The following DSCAM variants were observed in gnomAD, a reference collection of about 807,000 sequenced individuals.
DSCAM encodes cell adhesion molecule DSCAM.
A neutral mutation model predicts 217.7 loss-of-function variants in DSCAM; 47 were observed. The ratio of observed to expected loss-of-function variants is 0.22; its 90% confidence interval spans 0.17 to 0.28. The LOEUF is 0.28. Among genes scored for constraint, DSCAM ranks in the 10% least tolerant of loss-of-function variants. DSCAM has a pLI of 1.00. For synonymous variants in DSCAM, 1,056 were observed against 1,015.3 expected, an observed-to-expected ratio of 1.04 and a Z score of -0.76; for missense variants, 2,080 against 2,618.3, an observed-to-expected ratio of 0.79 and a Z score of 4.49.
chr21:40,820,087 A>T (rs1326171283), intron 1 of DSCAM, among the ~76,000 whole-genome samples: 2 of 152,202 alleles, frequency 1.3e-5, no homozygotes. Flanking sequence ...AATTGGGGTC[A>T]TGCCCAGCAA....
intron 3 of DSCAM, among the ~76,000 whole-genome samples, chr21:40,620,611 G>C (rs1443160861): frequency 6.6e-6 from 1 of 152,042 alleles, no homozygotes; most frequent in African/African-American, 2.4e-5. Context: ...AGGGAGGGAG[G>C]CAGGCAATAC....
intron 3 of DSCAM, among the ~76,000 whole-genome samples, chr21:40,484,462 ATC>A (rs1321337025): frequency 6.6e-6 from 1 of 152,160 alleles, no homozygotes; most frequent in Non-Finnish European, 1.5e-5. Context: ...TAGAAAACAA[ATC>A]TCTGTGGATA....
At chr21:40,749,641 T>C (rs1337599636) in intron 1 of DSCAM, among the ~76,000 whole-genome samples, 2 of 152,088 alleles carry the variant, frequency 1.3e-5, no homozygotes, top group African/African-American at 2.4e-5. Flanking sequence ...TAAATAAGTA[T>C]AGCCATTATG....
intron 15 of DSCAM, among the ~76,000 whole-genome samples, chr21:40,178,309 T>C (rs78167701): frequency 3.9e-4 from 60 of 152,324 alleles, no homozygotes; most frequent in African/African-American, 1.4e-3. Flanking sequence ...TATCACTGCC[T>C]GTTCCTGGGT....
intron 11 of DSCAM, among the ~76,000 whole-genome samples, chr21:40,238,897 A>G (rs2073112256): frequency 6.6e-6 from 1 of 152,184 alleles, no homozygotes; most frequent in Non-Finnish European, 1.5e-5. Flanking sequence ...ATAAGTCCCC[A>G]TATAAGGTGA....
chr21:40,803,965 C>G (rs911734036), intron 1 of DSCAM, among the ~76,000 whole-genome samples: 1 of 152,138 alleles, frequency 6.6e-6, no homozygotes, highest in Non-Finnish European at 1.5e-5. Context: ...CTACTCAAGC[C>G]TCAGACTCTT....
At chr21:40,125,354 T>C (rs1045319889) in intron 19 of DSCAM, among the ~76,000 whole-genome samples, 2 of 152,144 alleles carry the variant, frequency 1.3e-5, no homozygotes, top group African/African-American at 4.8e-5. Flanking sequence ...AAGGTGCCAG[T>C]GAGGAAGGCA....
At chr21:40,709,597 TTC>T (rs1475816196) in intron 1 of DSCAM, among the ~76,000 whole-genome samples, 10 of 152,202 alleles carry the variant, frequency 6.6e-5, no homozygotes, top group African/African-American at 2.2e-4. Flanking sequence ...GTGTTTGCTT[TTC>T]TGTTCCTGTG....
intron 3 of DSCAM, among the ~76,000 whole-genome samples, chr21:40,577,155 CATTT>C (rs1213382393): frequency 6.7e-6 from 1 of 149,098 alleles, no homozygotes; most frequent in Non-Finnish European, 1.5e-5. Context: ...AATGAATATT[CATTT>C]ATTTATGTAT....
chr21:40,452,752 C>T (rs992091566), intron 3 of DSCAM, among the ~76,000 whole-genome samples: 2 of 151,608 alleles, frequency 1.3e-5, no homozygotes, highest in Admixed American at 6.6e-5. Flanking sequence ...ATGATGCAAA[C>T]CATTCTCTAC....
At chr21:40,338,042 T>C in intron 8 of DSCAM, 59 bp downstream of exon 8, 1 of 1,581,848 alleles carries the variant, frequency 6.3e-7, no homozygotes, top group Non-Finnish European at 8.6e-7. Context: ...AAATCATTGG[T>C]CTGGGAAGTA....
At chr21:40,112,010 GA>G (rs2089905400) in intron 20 of DSCAM, among the ~76,000 whole-genome samples, 1 of 152,052 alleles carries the variant, frequency 6.6e-6, no homozygotes, top group East Asian at 1.9e-4. Flanking sequence ...AGATCAACGA[GA>G]CAGAAAGTTA....
intron 5 of DSCAM, among the ~76,000 whole-genome samples, chr21:40,352,996 T>C (rs1021093718): frequency 1.3e-5 from 2 of 152,190 alleles, no homozygotes; most frequent in African/African-American, 4.8e-5. Flanking sequence ...GCCCCGTACT[T>C]TGGGTGATAA....
intron 3 of DSCAM, among the ~76,000 whole-genome samples, chr21:40,565,634 C>T (rs1003356099): frequency 1.3e-5 from 2 of 152,174 alleles, no homozygotes; most frequent in African/African-American, 4.8e-5. Flanking sequence ...CACTCAGTGC[C>T]TCGGGGGCTT....
chr21:40,013,606 A>G (rs1355436186), intron 32 of DSCAM, among the ~76,000 whole-genome samples: 1 of 152,126 alleles, frequency 6.6e-6, no homozygotes. Context: ...TTCCTACAGT[A>G]CTTACTTACT....
At position 40,411,175 on chromosome 21, in the gene DSCAM, TACACACACACACAC is replaced by T. The variant is rs902494368; in HGVS notation, c.509-41944_509-41931del. Among the ~76,000 whole-genome samples, 20 of 45,138 alleles carry T rather than the reference TACACACACACACAC, an allele frequency of 4.4e-4. No individual in the cohort carries two copies. The South Asian group carries it at 5.3e-3, about 12-fold the overall frequency. The allele number at this position is 45,138 out of a possible 152,430, so 29.6% of individuals were successfully genotyped here. A position where few individuals can be genotyped will look rare whatever the true frequency, so the allele number is the denominator to read the frequency against. On this transcript the variant is annotated intron_variant, in intron 3 of 32. Coordinates refer to ENST00000400454, the MANE Select transcript of DSCAM (RefSeq NM_001389.5). ...TACTTGAAGATAGACAGTAATTATA[TACACACACACACAC>T]ACACACACACACACACACACACACA...
intron 11 of DSCAM, among the ~76,000 whole-genome samples, chr21:40,198,469 C>T (rs1250840068): frequency 2.6e-5 from 4 of 152,146 alleles, no homozygotes; most frequent in African/African-American, 4.8e-5. Context: ...AGGGTGGGGA[C>T]GTGTAGTCAG....
chr21:40,159,765 T>C lies in DSCAM; in HGVS notation c.3018+7453A>G, dbSNP rs536983515. On this transcript the variant is annotated intron_variant, in intron 16 of 32. Transcript: ENST00000400454. The stretch of plus-strand genomic sequence containing the variant: ...GCCTGGCTAATTTTTGTATTTTTAA[T>C]AGAGATAGGGTTTCACCATGTTGGC... Among the ~76,000 whole-genome samples, 81 of 152,284 alleles carry C rather than the reference T, an allele frequency of 5.3e-4. 1 individual carries two copies. In the South Asian group the frequency reaches 0.016, roughly 31 times the overall value.
chr21:40,583,731 G>A (rs893892970), intron 3 of DSCAM, among the ~76,000 whole-genome samples: 1 of 152,062 alleles, frequency 6.6e-6, no homozygotes, highest in African/African-American at 2.4e-5. Context: ...TATGTCCACT[G>A]GGTAATAATG....
Sources: gnomAD v4.1 joint callset for allele counts (sites outside exome capture counted in the v4.1 genomes callset) on GRCh38, gnomAD v4.1.1 for gene constraint, MANE v1.5 for transcripts, NCBI Gene and HGNC (gene_info 2026-07-23, HGNC 2026-07-21) for gene names.